Variants in NIPA2 observed in about 807,000 individuals in gnomAD.
The protein encoded by NIPA2 is magnesium transporter NIPA2.
NIPA2 carries 11 observed loss-of-function variants against 29.7 expected under a neutral mutation model. The observed-to-expected ratio is 0.37, with a 90% CI of 0.23 to 0.61. The LOEUF (loss-of-function observed/expected upper bound fraction) is 0.61, where lower values mean the gene tolerates loss of function less well. Among genes scored for constraint, NIPA2 ranks in the 20% least tolerant of loss-of-function variants. The probability of loss-of-function intolerance (pLI) is 0.66; values close to 1 mark genes in which losing one functional copy is unlikely to be tolerated. For missense variants in NIPA2, 426 were observed against 437.9 expected (o/e 0.97, Z 0.24); for synonymous variants, 183 against 161.9 (o/e 1.13, Z -0.99).
intron 4 of NIPA2, 88 bp downstream of exon 4, chr15:22,851,958 C>T (rs189646291): frequency 1.0e-5 from 11 of 1,076,610 alleles, no homozygotes; most frequent in South Asian, 8.0e-5. Flanking sequence ...CTTCATTCCT[C>T]GTGAGTGTAT....
intron 3 of NIPA2, among the ~76,000 whole-genome samples, chr15:22,845,823 C>T (rs1898468851): frequency 1.3e-5 from 2 of 151,984 alleles, no homozygotes; most frequent in Non-Finnish European, 2.9e-5. Context: ...TCAGAAAAGG[C>T]CTTCTCTCTG....
At chr15:22,845,465 G>C (rs550118555) in intron 3 of NIPA2, among the ~76,000 whole-genome samples, 198 bp downstream of exon 3, 1 of 152,156 alleles carries the variant, frequency 6.6e-6, no homozygotes, top group African/African-American at 2.4e-5. Context: ...AATCAAATTT[G>C]CTACCGTAAA....
chr15:22,850,074 A>G (rs536570750), intron 3 of NIPA2, among the ~76,000 whole-genome samples: 1 of 152,152 alleles, frequency 6.6e-6, no homozygotes, highest in South Asian at 2.1e-4. Context: ...CCATCACTGA[A>G]TCCCCATTTT....
Position 22,853,742 on chromosome 15 carries a change from C to T in NIPA2, c.196+474C>T, listed in dbSNP as rs2057958894. Among the ~76,000 whole-genome samples, 4 of 152,226 alleles carry T rather than the reference C, an allele frequency of 2.6e-5. No individual in the cohort carries two copies. In the South Asian group the frequency reaches 8.3e-4, roughly 32 times the overall value. On this transcript the variant is annotated intron_variant, in intron 5 of 7. Coordinates refer to ENST00000337451, the MANE Select transcript of NIPA2 (RefSeq NM_030922.7). ...GGTACATGAGATACTTTAATAAAGG[C>T]ATGCAATTCATAATAATTGCATTAT... is the stretch of plus-strand genomic sequence containing the variant.
rs1209433467 is a variant in NIPA2, at chr15:22,866,904, C to T, written c.*57C>T. 7.0e-7 allele frequency: 1 copy of T among 1,423,410 alleles called. No individual in the cohort carries two copies. Among genetic ancestry groups the T allele is most frequent in the African/African-American group, 1.4e-5 (1 of 69,762 alleles). 88.2% of individuals were successfully genotyped at this position (1,423,410 alleles called of 1,614,324 possible). On this transcript the variant is annotated 3_prime_UTR_variant, in exon 8 of 8. Coordinates refer to ENST00000337451, the MANE Select transcript of NIPA2 (RefSeq NM_030922.7). ...GTTATGAAGTGAATTTGAATATCAT[C>T]AGAATGTGTCTGAAAAAACATTGTC...
intron 3 of NIPA2, among the ~76,000 whole-genome samples, chr15:22,847,963 A>G (rs1231663183): frequency 6.6e-6 from 1 of 150,616 alleles, no homozygotes; most frequent in East Asian, 2.0e-4. Flanking sequence ...ACGCCCAGCT[A>G]ATTTTTGTAT....
chr15:22,842,065 C>T (rs1566813237), intron 2 of NIPA2, among the ~76,000 whole-genome samples: 1 of 152,164 alleles, frequency 6.6e-6, no homozygotes, highest in Non-Finnish European at 1.5e-5. Context: ...TTTACCATAA[C>T]ATTTGCCACT....
At position 22,866,102 on chromosome 15, in the gene NIPA2, T is replaced by C; in HGVS notation, c.449-111T>C. 6 of 872,306 alleles carry C rather than the reference T, an allele frequency of 6.9e-6. No homozygotes were observed. In the South Asian group the frequency reaches 9.3e-5, roughly 13 times the overall value. 54.0% of individuals were successfully genotyped at this position (872,306 alleles called of 1,614,324 possible). On this transcript the variant is annotated intron_variant, in intron 7 of 7. Coordinates refer to ENST00000337451, the MANE Select transcript of NIPA2 (RefSeq NM_030922.7). ...GGCTGCAAAATAAAGCTGATTTTTA[T>C]TTCCAGGCCATACCTTTTCTCCCTA...
In NIPA2 at chr15:22,867,383, T is replaced by TACAAA. The variant is rs2059175229; in HGVS notation, c.*543_*547dup. The TACAAA allele has an allele frequency of 5.1e-6, 2 of 389,564 alleles. No individual in the cohort carries two copies. The highest frequency in any genetic ancestry group is 9.0e-6 in the Non-Finnish European group (2 of 221,204). The allele number at this position is 389,564 out of a possible 1,614,324, so 24.1% of individuals were successfully genotyped here. A position where few individuals can be genotyped will look rare whatever the true frequency, so the allele number is the denominator to read the frequency against. ...TTACTGAATGAAGGAACCTCTTTCT[T>TACAAA]ACAAAACAAAAAAAAGGGCAGAAAT... On this transcript the variant is annotated 3_prime_UTR_variant, in exon 8 of 8. Coordinates refer to ENST00000337451, the MANE Select transcript of NIPA2 (RefSeq NM_030922.7).
chr15:22,852,126 C>T (rs1387562903), intron 4 of NIPA2, among the ~76,000 whole-genome samples: 1 of 152,192 alleles, frequency 6.6e-6, no homozygotes, highest in Non-Finnish European at 1.5e-5. Context: ...CAAGTAATAT[C>T]CAACCTTTTC....
chr15:22,864,965 G>A (rs898758114), intron 7 of NIPA2, among the ~76,000 whole-genome samples: 2 of 151,888 alleles, frequency 1.3e-5, no homozygotes. Flanking sequence ...AGATTCAAGC[G>A]ATTCTCCTGT....
chr15:22,868,027 G>C lies in NIPA2; in HGVS notation c.*1180G>C, dbSNP rs983183130. Reference sequence around the variant, plus strand: ...CCTAGGTGATGGGAAGAAAGTGTTCGCCTGTTCCAGCCTGTGGCTCCTGCC... The same window carrying C: ...CCTAGGTGATGGGAAGAAAGTGTTCCCCTGTTCCAGCCTGTGGCTCCTGCC... On this transcript the variant is annotated 3_prime_UTR_variant, in exon 8 of 8. Transcript: ENST00000337451. 6.6e-6 allele frequency: 1 copy of C among 152,204 alleles called. No homozygotes were observed. The highest frequency in any genetic ancestry group is 1.5e-5 in the Non-Finnish European group (1 of 68,038). 9.4% of individuals were successfully genotyped at this position (152,204 alleles called of 1,614,324 possible). A position where few individuals can be genotyped will look rare whatever the true frequency, so the allele number is the denominator to read the frequency against.
At chr15:22,863,477 C>T (rs562973246) in intron 7 of NIPA2, among the ~76,000 whole-genome samples, 1 of 152,300 alleles carries the variant, frequency 6.6e-6, no homozygotes, top group South Asian at 2.1e-4. Context: ...ACTGAGAGCT[C>T]CAGGATCTGC....
chr15:22,866,756 T>TTAATAA lies in NIPA2; in HGVS notation c.997_1002dup (p.Asn333_Asn334dup), dbSNP rs749723731. 6.2e-7 allele frequency: 1 copy of TTAATAA among 1,613,600 alleles called. No individual in the cohort carries two copies. Among genetic ancestry groups the TTAATAA allele is most frequent in the Non-Finnish European group, 8.5e-7 (1 of 1,179,658 alleles). ...AATCTCTCTAATATGTATGAAGTTC[T>TTAATAA]TAATAATAATGAAGAAAGCTTAACC... On this transcript the variant is annotated inframe_insertion, in exon 8 of 8. Coordinates refer to ENST00000337451, the MANE Select transcript of NIPA2 (RefSeq NM_030922.7).
Position 22,868,220 on chromosome 15 carries a change from T to C in NIPA2, c.*1373T>C, listed in dbSNP as rs2059276624. ...AGCTGTTTTAGATGTTTTTTCTAAC[T>C]GCCTCCTCCCATGCCATTTTAATAC... On this transcript the variant is annotated 3_prime_UTR_variant, in exon 8 of 8. Transcript: ENST00000337451. 6.6e-6 allele frequency: 1 copy of C among 152,236 alleles called. No individual in the cohort carries two copies. 9.4% of individuals were successfully genotyped at this position (152,236 alleles called of 1,614,324 possible).
In NIPA2 at chr15:22,867,083, T is replaced by C. The variant is rs1260583441; in HGVS notation, c.*236T>C. ...TTAACATTTTATTGTTGTAGAAGTA[T>C]TTTACATTTTCATCCCTTCTCCAAA... On this transcript the variant is annotated 3_prime_UTR_variant, in exon 8 of 8. Coordinates refer to ENST00000337451, the MANE Select transcript of NIPA2 (RefSeq NM_030922.7). The C allele has an allele frequency of 6.0e-6, 3 of 498,358 alleles. 1 individual carries two copies. Among genetic ancestry groups the C allele is most frequent in the Non-Finnish European group, 1.0e-5 (3 of 286,632 alleles). The allele number at this position is 498,358 out of a possible 1,614,324, so 30.9% of individuals were successfully genotyped here. A position where few individuals can be genotyped will look rare whatever the true frequency, so the allele number is the denominator to read the frequency against.
At chr15:22,851,436 G>C (rs2057731961) in intron 3 of NIPA2, among the ~76,000 whole-genome samples, 3 of 151,718 alleles carry the variant, frequency 2.0e-5, no homozygotes, top group Admixed American at 2.0e-4. Context: ...GTTTAAACTT[G>C]GTTTTATAGC....
At chr15:22,864,244 T>A (rs1233529583) in intron 7 of NIPA2, among the ~76,000 whole-genome samples, 1 of 151,936 alleles carries the variant, frequency 6.6e-6, no homozygotes, top group East Asian at 1.9e-4. Flanking sequence ...CAAGCTCCCC[T>A]CCCGGGTTCA....
At chr15:22,864,410 G>A (rs893515837) in intron 7 of NIPA2, among the ~76,000 whole-genome samples, 10 of 152,074 alleles carry the variant, frequency 6.6e-5, no homozygotes, top group South Asian at 2.1e-4. Context: ...CACCTCGGCC[G>A]CCCAAAGTGC....
Sources: gnomAD v4.1 joint callset for allele counts (sites outside exome capture counted in the v4.1 genomes callset) on GRCh38, gnomAD v4.1.1 for gene constraint, MANE v1.5 for transcripts, NCBI Gene and HGNC (gene_info 2026-07-23, HGNC 2026-07-21) for gene names.